Variants in ITPR2 observed in about 807,000 individuals in gnomAD.
ITPR2 encodes the protein inositol 1,4,5-trisphosphate-gated calcium channel ITPR2.
Under a neutral mutation model 317.1 loss-of-function variants are expected in ITPR2, and 207 were observed. The ratio of observed to expected loss-of-function variants is 0.65; its 90% CI spans 0.58 to 0.73. ITPR2 has a LOEUF of 0.73. Among genes scored for constraint, ITPR2 ranks in the 30% least tolerant of loss-of-function variants. The pLI, the probability that ITPR2 is intolerant of heterozygous loss-of-function variation, is 0.00. For missense variants in ITPR2, 2,613 were observed against 3,284.0 expected (o/e 0.80, Z 4.99); for synonymous variants, 1,156 against 1,149.1 (o/e 1.01, Z -0.12).
intron 55 of ITPR2, among the ~76,000 whole-genome samples, chr12:26,351,647 C>A (rs931351598): frequency 6.6e-6 from 1 of 151,932 alleles, no homozygotes; most frequent in African/African-American, 2.4e-5. Context: ...ACGGTGAGAC[C>A]CTGTCTCAAA....
chr12:26,585,025 A>C (rs987095573), intron 32 of ITPR2, among the ~76,000 whole-genome samples: 6 of 152,170 alleles, frequency 3.9e-5, no homozygotes, highest in Admixed American at 6.5e-5. Flanking sequence ...GCTTTCTTAG[A>C]ATTCGAAATT....
At position 26,790,244 on chromosome 12, in the gene ITPR2, G is replaced by T. The variant is rs1309652437; in HGVS notation, c.93-17C>A. On this transcript the variant is annotated splice_polypyrimidine_tract_variant and intron_variant, in intron 1 of 56. Transcript: ENST00000381340. ...TCCACTAACCTAGAAGGAAAAGCAT[G>T]TTTACATTGTTAACATCCTTGTCAT... is the stretch of plus-strand genomic sequence containing the variant. 1 of 1,590,022 alleles carries T rather than the reference G, an allele frequency of 6.3e-7. No homozygotes were observed. Among genetic ancestry groups the T allele is most frequent in the Non-Finnish European group, 8.6e-7 (1 of 1,157,776 alleles).
chr12:26,771,036 T>C (rs1395420643), intron 2 of ITPR2, among the ~76,000 whole-genome samples: 1 of 152,236 alleles, frequency 6.6e-6, no homozygotes, highest in Non-Finnish European at 1.5e-5. Context: ...TCTATTCGTA[T>C]GTCTTGTACA....
At chr12:26,724,767 A>T in intron 3 of ITPR2, 25 bp from the exon 4 acceptor site, 1 of 1,534,732 alleles carries the variant, frequency 6.5e-7, no homozygotes, top group Non-Finnish European at 9.0e-7. Context: ...TCAAATATTC[A>T]GTGTAGAAAT....
At chr12:26,381,841 A>G (rs116589147) in intron 55 of ITPR2, among the ~76,000 whole-genome samples, 1,954 of 152,292 alleles carry the variant, frequency 0.013, 31 homozygotes, top group African/African-American at 0.044. Flanking sequence ...CTCTCCAGAC[A>G]CGCATGCCGC....
At chr12:26,438,823 C>T (rs552290588) in intron 47 of ITPR2, among the ~76,000 whole-genome samples, 67 of 152,302 alleles carry the variant, frequency 4.4e-4, no homozygotes, top group African/African-American at 1.5e-3. Flanking sequence ...GGACTTCAAA[C>T]CTGTGGCTGT....
intron 45 of ITPR2, among the ~76,000 whole-genome samples, chr12:26,453,062 C>T (rs1007718934): frequency 2.6e-5 from 4 of 151,902 alleles, no homozygotes; most frequent in African/African-American, 4.8e-5. Flanking sequence ...AAGCTTTTTC[C>T]CTACAATTAT....
At chr12:26,594,529 A>G (rs909857801) in intron 32 of ITPR2, among the ~76,000 whole-genome samples, 1 of 152,154 alleles carries the variant, frequency 6.6e-6, no homozygotes, top group South Asian at 2.1e-4. Context: ...CTCCAAATAC[A>G]TCTATATAAG....
At chr12:26,565,062 T>G (rs892233335) in intron 34 of ITPR2, among the ~76,000 whole-genome samples, 2 of 152,174 alleles carry the variant, frequency 1.3e-5, no homozygotes, top group African/African-American at 2.4e-5. Flanking sequence ...AAACACGGAC[T>G]TTATGTCCAT....
At position 26,493,362 on chromosome 12, in the gene ITPR2, G is replaced by A. The variant is rs985575775; in HGVS notation, c.5370+791C>T. Among the ~76,000 whole-genome samples the A allele has an allele frequency of 3.9e-5, 6 of 152,232 alleles. No homozygotes were observed. The South Asian group carries it at 1.2e-3, about 32-fold the overall frequency. The stretch of plus-strand genomic sequence containing the variant: ...CTGCTGGCCTTGAGTCGAGAAAATG[G>A]CTTTTGGAATTTCTAATTATATACT... On this transcript the variant is annotated intron_variant, in intron 39 of 56. Transcript: ENST00000381340.
chr12:26,516,592 T>A (rs1027805078), intron 37 of ITPR2, among the ~76,000 whole-genome samples: 1 of 152,136 alleles, frequency 6.6e-6, no homozygotes, highest in Non-Finnish European at 1.5e-5. Context: ...CACTCATGGA[T>A]TATACAAACA....
In ITPR2 at chr12:26,486,166, T is replaced by C. The variant is rs1565554117; in HGVS notation, c.5749A>G (p.Ile1917Val). 1.9e-6 allele frequency: 3 copies of C among 1,614,162 alleles called. No homozygotes were observed. Among genetic ancestry groups the C allele is most frequent in the East Asian group, 2.2e-5 (1 of 44,882 alleles). The change falls in exon 41 of 57, where the codon ATC (isoleucine) becomes GTC (valine). Residue 1917 changes from isoleucine to valine, a missense_variant. This residue lies in a region of ITPR2 where 926 missense variants were observed against 1,072.8 expected (regional missense o/e 0.86). Coordinates refer to ENST00000381340, the MANE Select transcript of ITPR2 (RefSeq NM_002223.4). ...EEVTMSPAIA[I>V]MQPILRFLQL... ...AGAAATCTCAGTATTGGCTGCATGA[T>C]GGCAATTGCGGGACTCATTGTTACT...
chr12:26,686,151 C>G (rs1469186623), intron 11 of ITPR2, among the ~76,000 whole-genome samples: 1 of 151,984 alleles, frequency 6.6e-6, no homozygotes, highest in Non-Finnish European at 1.5e-5. Context: ...AATGGGAAAT[C>G]TGACATAATA....
intron 51 of ITPR2, among the ~76,000 whole-genome samples, chr12:26,414,819 T>TCAATATTTTG (rs1430403647): frequency 1.3e-5 from 2 of 152,112 alleles, no homozygotes; most frequent in African/African-American, 4.8e-5. Context: ...CTTCTTTTGC[T>TCAATATTTTG]CAATATTTTG....
At position 26,694,605 on chromosome 12, in the gene ITPR2, T is replaced by C. The variant is rs1175574895; in HGVS notation, c.996+1001A>G. On this transcript the variant is annotated intron_variant, in intron 10 of 56. Transcript: ENST00000381340. Reference sequence around the variant, plus strand: ...CTGATGGTCTTTGGGTGGAGGCCATTGACAAGCTTATAGTAAGAACCAAAG... The same window carrying C: ...CTGATGGTCTTTGGGTGGAGGCCATCGACAAGCTTATAGTAAGAACCAAAG... 2.6e-5 allele frequency among the ~76,000 whole-genome samples: 4 copies of C among 152,156 alleles called. No individual in the cohort carries two copies. The East Asian group carries it at 7.7e-4, about 29-fold the overall frequency.
Position 26,346,870 on chromosome 12 carries a change from T to C in ITPR2, c.7858-6542A>G, listed in dbSNP as rs1427935566. On this transcript the variant is annotated intron_variant, in intron 55 of 56. Coordinates refer to ENST00000381340, the MANE Select transcript of ITPR2 (RefSeq NM_002223.4). ...AATGTTACCCTAGGTGGTGTCTGTG[T>C]CTCTTCCAGCTCGTCATTCTGTGAG... is the stretch of plus-strand genomic sequence containing the variant. Among the ~76,000 whole-genome samples, 3 of 152,256 alleles carry C rather than the reference T, an allele frequency of 2.0e-5. No homozygotes were observed. The East Asian group carries it at 5.8e-4, about 29-fold the overall frequency.
intron 55 of ITPR2, among the ~76,000 whole-genome samples, chr12:26,374,947 A>G (rs981341627): frequency 6.6e-6 from 1 of 152,258 alleles, no homozygotes. Context: ...AACCTTATCT[A>G]AAACAAGAGT....
intron 48 of ITPR2, among the ~76,000 whole-genome samples, chr12:26,432,117 G>T (rs1178938333): frequency 6.6e-6 from 1 of 152,068 alleles, no homozygotes; most frequent in Non-Finnish European, 1.5e-5. Context: ...TCAATATCAG[G>T]AAATTAACAT....
At chr12:26,793,056 C>T (rs527299566) in intron 1 of ITPR2, among the ~76,000 whole-genome samples, 1 of 152,192 alleles carries the variant, frequency 6.6e-6, no homozygotes, top group Non-Finnish European at 1.5e-5. Context: ...TAAGGTTCCC[C>T]TCTGACTTTC....
Sources: gnomAD v4.1 joint callset for allele counts (sites outside exome capture counted in the v4.1 genomes callset) on GRCh38, gnomAD v4.1.1 for gene constraint, gnomAD v4.1.1 regional missense constraint, MANE v1.5 for transcripts, NCBI Gene and HGNC (gene_info 2026-07-23, HGNC 2026-07-21) for gene names.